MYO3B: variants seen among roughly 807,000 people sequenced by gnomAD.
MYO3B encodes myosin-IIIb.
MYO3B carries 156 observed loss-of-function variants against 174.6 expected under a neutral mutation model. The observed-to-expected ratio is 0.89, with a 90% CI of 0.78 to 1.02. The LOEUF (loss-of-function observed/expected upper bound fraction) is 1.02. Ranked by LOEUF, MYO3B falls within the 50% of genes least tolerant of loss-of-function variation. The pLI, the probability that MYO3B is intolerant of heterozygous loss-of-function variation, is 0.00. For synonymous variants in MYO3B, 563 were observed against 569.1 expected, an observed-to-expected ratio of 0.99 and a Z score of 0.15; for missense variants, 1,632 against 1,639.4, an observed-to-expected ratio of 1.00 and a Z score of 0.08.
intron 6 of MYO3B, among the ~76,000 whole-genome samples, chr2:170,234,391 A>G (rs1311072963): frequency 1.3e-5 from 2 of 152,110 alleles, no homozygotes; most frequent in African/African-American, 4.8e-5. Context: ...GGCAGAAGGG[A>G]GCAAACCCAG....
rs770900771 is a variant in MYO3B, at chr2:170,452,837, C to CA, written c.2730+8796dup. 3.9e-4 allele frequency among the ~76,000 whole-genome samples: 59 copies of CA among 152,142 alleles called. No homozygotes were observed. The Middle Eastern group carries it at 0.014, about 35-fold the overall frequency. The stretch of plus-strand genomic sequence containing the variant: ...ATAGGGGAAAATAATCAATAAATGG[C>CA]AAAAAGTTACACAAATAACAAACCA... On this transcript the variant is annotated intron_variant, in intron 23 of 34. Coordinates refer to ENST00000408978, the MANE Select transcript of MYO3B (RefSeq NM_138995.5).
intron 28 of MYO3B, among the ~76,000 whole-genome samples, chr2:170,504,267 C>T (rs997375015): frequency 6.6e-6 from 1 of 152,164 alleles, no homozygotes; most frequent in Non-Finnish European, 1.5e-5. Context: ...AATTTAGATT[C>T]TGTGGAATGC....
At chr2:170,374,778 C>T (rs991080517) in intron 9 of MYO3B, among the ~76,000 whole-genome samples, 22 of 151,464 alleles carry the variant, frequency 1.5e-4, no homozygotes, top group East Asian at 5.8e-4. Context: ...CACACACACA[C>T]ACACACACAC....
chr2:170,576,925 A>C (rs1180115135), intron 32 of MYO3B, among the ~76,000 whole-genome samples: 1 of 152,150 alleles, frequency 6.6e-6, no homozygotes, highest in Non-Finnish European at 1.5e-5. Flanking sequence ...TGCAAGTACT[A>C]AGAAGTACTC....
intron 25 of MYO3B, among the ~76,000 whole-genome samples, chr2:170,472,007 A>C (rs1201392686): frequency 2.7e-5 from 4 of 150,692 alleles, no homozygotes; most frequent in African/African-American, 9.8e-5. Flanking sequence ...AAAAAAAAAA[A>C]CTCACTTGAC....
At chr2:170,408,963 AG>A (rs755763276) in intron 22 of MYO3B, among the ~76,000 whole-genome samples, 2 of 152,136 alleles carry the variant, frequency 1.3e-5, no homozygotes, top group Non-Finnish European at 2.9e-5. Flanking sequence ...AGCTCGGGGC[AG>A]GTGTGGAAAG....
chr2:170,369,527 A>G lies in MYO3B; in HGVS notation c.971+150A>G, dbSNP rs1411275926. 4 of 827,986 alleles carry G rather than the reference A, an allele frequency of 4.8e-6. No homozygotes were observed. The Admixed American group carries it at 9.2e-5, about 19-fold the overall frequency. 51.3% of individuals were successfully genotyped at this position (827,986 alleles called of 1,614,324 possible). A position where few individuals can be genotyped will look rare whatever the true frequency, so the allele number is the denominator to read the frequency against. ...ACATGACATTAAGTACTCCATGCCC[A>G]GTGGATGAGAGCAGGAGAACTTCAG... On this transcript the variant is annotated intron_variant, in intron 9 of 34. Coordinates refer to ENST00000408978, the MANE Select transcript of MYO3B (RefSeq NM_138995.5).
At chr2:170,558,145 C>CA (rs1409875917) in intron 32 of MYO3B, among the ~76,000 whole-genome samples, 6 of 152,028 alleles carry the variant, frequency 3.9e-5, no homozygotes, top group Admixed American at 3.9e-4. Flanking sequence ...ACTACAAATA[C>CA]AAAAAATTAG....
intron 6 of MYO3B, among the ~76,000 whole-genome samples, chr2:170,234,276 A>G (rs915164603): frequency 3.3e-5 from 5 of 152,134 alleles, no homozygotes; most frequent in Admixed American, 1.3e-4. Flanking sequence ...GGTAATTTAT[A>G]AAGAACAGAA....
At chr2:170,258,658 A>T (rs1448734940) in intron 7 of MYO3B, among the ~76,000 whole-genome samples, 1 of 152,168 alleles carries the variant, frequency 6.6e-6, no homozygotes, top group Non-Finnish European at 1.5e-5. Flanking sequence ...CAAGACAATG[A>T]TGCCCACGTT....
intron 1 of MYO3B, among the ~76,000 whole-genome samples, chr2:170,182,672 C>T (rs886840448): frequency 3.5e-5 from 5 of 143,458 alleles, no homozygotes; most frequent in African/African-American, 1.3e-4. Flanking sequence ...AGTGCAGTGG[C>T]GTGATCTCAG....
chr2:170,256,136 C>A (rs2093302371), intron 7 of MYO3B, among the ~76,000 whole-genome samples: 1 of 152,148 alleles, frequency 6.6e-6, no homozygotes, highest in Admixed American at 6.6e-5. Context: ...AATAGATTCT[C>A]TAAAGAGACC....
chr2:170,405,478 G>A (rs1370472737), intron 20 of MYO3B, 67 bp from the exon 21 acceptor site: 2 of 1,493,230 alleles, frequency 1.3e-6, no homozygotes, highest in Non-Finnish European at 1.9e-6. Context: ...ATGGCTTGAG[G>A]AACAAGTTTT....
At chr2:170,497,591 C>T (rs1686957017) in intron 25 of MYO3B, among the ~76,000 whole-genome samples, 1 of 149,698 alleles carries the variant, frequency 6.7e-6, no homozygotes, top group Non-Finnish European at 1.5e-5. Context: ...GCACTCCAGC[C>T]TGGGCAACAG....
chr2:170,233,206 A>G (rs1446643541), intron 6 of MYO3B, among the ~76,000 whole-genome samples: 4 of 152,204 alleles, frequency 2.6e-5, no homozygotes, highest in African/African-American at 7.2e-5. Flanking sequence ...TAGAGCCCAT[A>G]TCCTTTATTG....
chr2:170,180,331 G>C (rs2092382697), intron 1 of MYO3B: 1 of 243,260 alleles, frequency 4.1e-6, no homozygotes, highest in Admixed American at 4.3e-5. Flanking sequence ...AATGCAGTAG[G>C]AAATTTCATG....
At chr2:170,427,471 G>T (rs1005394764) in intron 22 of MYO3B, among the ~76,000 whole-genome samples, 5 of 152,144 alleles carry the variant, frequency 3.3e-5, no homozygotes, top group Non-Finnish European at 7.3e-5. Flanking sequence ...AAATTTCAAT[G>T]GAAGAAGTGT....
At chr2:170,466,101 G>T (rs1414008645) in intron 24 of MYO3B, among the ~76,000 whole-genome samples, 2 of 152,240 alleles carry the variant, frequency 1.3e-5, no homozygotes, top group Non-Finnish European at 2.9e-5. Flanking sequence ...GATTTGCTTA[G>T]ACTATCTGGT....
At chr2:170,462,296 A>G (rs180797230) in intron 23 of MYO3B, among the ~76,000 whole-genome samples, 18 of 152,312 alleles carry the variant, frequency 1.2e-4, no homozygotes, top group African/African-American at 4.3e-4. Context: ...AGAGCTGCTC[A>G]CTGATAGGTT....
Sources: allele counts gnomAD v4.1 joint callset (sites outside exome capture counted in the v4.1 genomes callset), GRCh38; gene constraint gnomAD v4.1.1; transcripts MANE v1.5; gene names NCBI Gene and HGNC (gene_info 2026-07-23, HGNC 2026-07-21).